The following NHSL1 variants were observed in gnomAD, a reference collection of about 807,000 sequenced individuals.
NHSL1 encodes NHS like 1.
NHSL1 carries 48 observed loss-of-function variants against 95.0 expected under a neutral mutation model. The ratio of observed to expected loss-of-function variants is 0.51; its 90% confidence interval spans 0.40 to 0.64. NHSL1 has a LOEUF of 0.64. NHSL1 is among the 30% of genes least tolerant of loss of function. The probability of loss-of-function intolerance (pLI) is 0.00; values close to 1 mark genes in which losing one functional copy is unlikely to be tolerated. For missense variants in NHSL1, 1,971 were observed against 2,077.7 expected (o/e 0.95, Z 1.00); for synonymous variants, 783 against 833.9 (o/e 0.94, Z 1.05).
In NHSL1 at chr6:138,447,019, C is replaced by G; in HGVS notation, c.514G>C (p.Val172Leu). 1 of 1,551,672 alleles carries G rather than the reference C, an allele frequency of 6.4e-7. No homozygotes were observed. Among genetic ancestry groups the G allele is most frequent in the Non-Finnish European group, 8.7e-7 (1 of 1,146,954 alleles). Residue 172 changes from valine to leucine, a missense_variant, in exon 4 of 8, where the codon GTG (valine) becomes CTG (leucine). Around this residue, in one of 3 missense-constraint regions of NHSL1, gnomAD observed 1,602 missense variants for 1,654.5 expected, o/e 0.97. Transcript: ENST00000343505. ...QQAQTVQADV[V>L]PINITGENFD... Reference sequence around the variant, plus strand: ...AGCGTACCAGTTATGTTAATAGGCACCACGTCAGCCTGGACTGTTTGGGCT... The same window carrying G: ...AGCGTACCAGTTATGTTAATAGGCAGCACGTCAGCCTGGACTGTTTGGGCT...
chr6:138,518,583 A>G (rs1554243856), intron 1 of NHSL1, among the ~76,000 whole-genome samples: 1 of 151,704 alleles, frequency 6.6e-6, no homozygotes, highest in Non-Finnish European at 1.5e-5. Flanking sequence ...GCTAGCCTAT[A>G]TAATTAAAGT....
At chr6:138,690,773 T>C (rs937766798) in intron 1 of NHSL1, among the ~76,000 whole-genome samples, 4 of 152,210 alleles carry the variant, frequency 2.6e-5, no homozygotes, top group African/African-American at 7.2e-5. Context: ...TGAAAAGTTT[T>C]GAAAAGAGTT....
chr6:138,502,061 G>A (rs145020000), upstream of NHSL1, among the ~76,000 whole-genome samples: 901 of 152,220 alleles, frequency 5.9e-3, 6 homozygotes, highest in African/African-American at 0.02. Flanking sequence ...GGTTACACAC[G>A]AGTAAGTGGT....
chr6:138,440,052 A>C (rs1273690077), intron 5 of NHSL1, among the ~76,000 whole-genome samples: 2 of 152,144 alleles, frequency 1.3e-5, no homozygotes, highest in Non-Finnish European at 2.9e-5. Flanking sequence ...GCATACAGAC[A>C]ATGCATATGG....
At chr6:138,538,637 A>G (rs1209203266) in intron 1 of NHSL1, among the ~76,000 whole-genome samples, 9 of 152,186 alleles carry the variant, frequency 5.9e-5, no homozygotes, top group Admixed American at 2.0e-4. Context: ...AGTTCCAGCA[A>G]CAATGAACCT....
chr6:138,547,623 T>A (rs1482945022), upstream of NHSL1, among the ~76,000 whole-genome samples: 1 of 152,208 alleles, frequency 6.6e-6, no homozygotes, highest in African/African-American at 2.4e-5. Context: ...GACCTTGTGA[T>A]CCACCCGCCT....
chr6:138,505,673 A>G (rs1365001740), intron 1 of NHSL1, among the ~76,000 whole-genome samples: 3 of 144,612 alleles, frequency 2.1e-5, no homozygotes, highest in East Asian at 4.3e-4. Context: ...AAAAAAAAAA[A>G]GAATATGAAA....
intron 1 of NHSL1, among the ~76,000 whole-genome samples, chr6:138,522,437 T>C (rs1283932183): frequency 1.3e-5 from 2 of 152,138 alleles, no homozygotes; most frequent in African/African-American, 4.8e-5. Flanking sequence ...AGGTCAGCAG[T>C]TCAAGACCAG....
At chr6:138,489,034 T>A (rs1226330331) in intron 2 of NHSL1, among the ~76,000 whole-genome samples, 2 of 152,200 alleles carry the variant, frequency 1.3e-5, no homozygotes. Flanking sequence ...GAAATGAACC[T>A]GAGTATTAAG....
In NHSL1 at chr6:138,479,097, G is replaced by GA. The variant is rs1198261628; in HGVS notation, c.212-5665dup. 3.9e-5 allele frequency among the ~76,000 whole-genome samples: 6 copies of GA among 152,250 alleles called. No individual in the cohort carries two copies. In the South Asian group the frequency reaches 1.0e-3, roughly 26 times the overall value. The stretch of plus-strand genomic sequence containing the variant: ...GTTCCAAGACCCCTGGTGGATGCCT[G>GA]AAACCACAGACAGTACCAAATCCTA... On this transcript the variant is annotated intron_variant, in intron 2 of 7. Coordinates refer to ENST00000343505, the MANE Select transcript of NHSL1 (RefSeq NM_001144060.2).
upstream of NHSL1, among the ~76,000 whole-genome samples, chr6:138,575,826 G>A (rs544704512): frequency 6.6e-6 from 1 of 152,100 alleles, no homozygotes; most frequent in Admixed American, 6.5e-5. Context: ...CCACATTTTA[G>A]TTATGTGGAT....
chr6:138,538,109 C>A (rs922913381), intron 1 of NHSL1, among the ~76,000 whole-genome samples: 1 of 152,106 alleles, frequency 6.6e-6, no homozygotes, highest in Non-Finnish European at 1.5e-5. Flanking sequence ...CACCTTGGGA[C>A]AATATTGATC....
chr6:138,465,724 C>CTTTTTTTTTTTTTTTT (rs61271607), intron 3 of NHSL1, among the ~76,000 whole-genome samples: 1 of 132,832 alleles, frequency 7.5e-6, no homozygotes, highest in African/African-American at 2.8e-5. Context: ...TTTTTCTTTT[C>CTTTTTTTTTTTTTTTT]TTTTTTTTTT....
intron 1 of NHSL1, among the ~76,000 whole-genome samples, chr6:138,618,749 A>G (rs927864009): frequency 2.6e-5 from 4 of 152,258 alleles, no homozygotes; most frequent in Non-Finnish European, 5.9e-5. Flanking sequence ...ATATAAAAGA[A>G]ATAATGACTT....
intron 1 of NHSL1, among the ~76,000 whole-genome samples, chr6:138,625,452 G>A (rs1784723929): frequency 6.6e-6 from 1 of 152,072 alleles, no homozygotes. Flanking sequence ...GCTGGACATT[G>A]CTTTTCCAGC....
At chr6:138,516,370 ATC>A (rs935007262) in intron 1 of NHSL1, among the ~76,000 whole-genome samples, 2 of 152,016 alleles carry the variant, frequency 1.3e-5, no homozygotes, top group Non-Finnish European at 2.9e-5. Flanking sequence ...TTTTCCAATG[ATC>A]ATGTAGATAC....
chr6:138,547,767 C>A (rs1782857960), upstream of NHSL1, among the ~76,000 whole-genome samples: 1 of 152,182 alleles, frequency 6.6e-6, no homozygotes, highest in African/African-American at 2.4e-5. Flanking sequence ...ATTCACCTAA[C>A]AAACAAGATC....
chr6:138,466,312 A>G (rs932476908), intron 3 of NHSL1, among the ~76,000 whole-genome samples: 1 of 152,130 alleles, frequency 6.6e-6, no homozygotes, highest in Non-Finnish European at 1.5e-5. Flanking sequence ...AAGTGCTGGG[A>G]TTACAGGCGT....
chr6:138,568,616 G>T (rs1783707433), intron 1 of NHSL1, among the ~76,000 whole-genome samples: 1 of 152,194 alleles, frequency 6.6e-6, no homozygotes, highest in South Asian at 2.1e-4. Flanking sequence ...GGATTCAAGA[G>T]AATTTTGAAA....
Sources: gnomAD v4.1 joint callset for allele counts (sites outside exome capture counted in the v4.1 genomes callset) on GRCh38, gnomAD v4.1.1 for gene constraint, gnomAD v4.1.1 regional missense constraint, MANE v1.5 for transcripts, NCBI Gene and HGNC (gene_info 2026-07-23, HGNC 2026-07-21) for gene names.